The following LRCH3 variants were observed in gnomAD, a reference collection of about 807,000 sequenced individuals.
LRCH3 encodes the protein DISP complex protein LRCH3.
LRCH3 carries 68 observed loss-of-function variants against 104.5 expected under a neutral mutation model. The observed-to-expected ratio is 0.65, with a 90% CI of 0.54 to 0.80. The LOEUF (loss-of-function observed/expected upper bound fraction) is 0.80. Among genes scored for constraint, LRCH3 ranks in the 30% least tolerant of loss-of-function variants. The pLI, the probability that LRCH3 is intolerant of heterozygous loss-of-function variation, is 0.00. For missense variants in LRCH3, 951 were observed against 953.9 expected (o/e 1.00, Z 0.04); for synonymous variants, 344 against 361.3 (o/e 0.95, Z 0.54).
At chr3:197,850,351 C>CTTT in intron 12 of LRCH3, 22 of 618,628 alleles carry the variant, frequency 3.6e-5, no homozygotes, top group East Asian at 9.7e-5. Context: ...ACCATTTTTT[C>CTTT]TTTTTTTTTT....
chr3:197,806,759 C>T (rs1732529346), intron 1 of LRCH3, among the ~76,000 whole-genome samples: 1 of 150,802 alleles, frequency 6.6e-6, no homozygotes. Flanking sequence ...ACCATGTTGT[C>T]CAGGCTGCCC....
chr3:197,885,647 A>G lies in LRCH3; in HGVS notation c.*1981A>G, dbSNP rs1020775070. ...ACGCGCCCCATCTCGCTCCACCACA[A>G]GCGCCTTTATATACTCAATGATGGG... On this transcript the variant is annotated 3_prime_UTR_variant, in exon 21 of 21. Coordinates refer to ENST00000425562, the MANE Select transcript of LRCH3 (RefSeq NM_001365715.1). 3 of 152,218 alleles carry G rather than the reference A, an allele frequency of 2.0e-5. No individual in the cohort carries two copies. Among genetic ancestry groups the G allele is most frequent in the African/African-American group, 7.2e-5 (3 of 41,446 alleles). The allele number at this position is 152,218 out of a possible 1,614,324, so 9.4% of individuals were successfully genotyped here.
chr3:197,883,658 G>A lies in LRCH3; in HGVS notation c.2326G>A (p.Ala776Thr). 1 of 1,536,010 alleles carries A rather than the reference G, an allele frequency of 6.5e-7. No homozygotes were observed. The highest frequency in any genetic ancestry group is 8.7e-7 in the Non-Finnish European group (1 of 1,146,888). The change falls in exon 21 of 21, where the codon GCT (alanine) becomes ACT (threonine). Residue 776 changes from alanine (A) to threonine (T), a missense_variant. Coordinates refer to ENST00000425562, the MANE Select transcript of LRCH3 (RefSeq NM_001365715.1). This position sits in a 1 kb window ranked among gnomAD's most constrained non-coding sequence, Gnocchi z 4.2. ...CAAGCAACAGCAGCACCAGTTATCT[G>A]CTGTTTGAGGATCCCCAGGACGGTG... ...PPKQQQHQLS[A>T]V
rs191416332 is a variant in LRCH3 at position 197,817,943 on chromosome 3, C to T, written c.534+641C>T. Among the ~76,000 whole-genome samples the T allele has an allele frequency of 1.1e-4, 17 of 152,250 alleles. No homozygotes were observed. In the East Asian group the frequency reaches 3.3e-3, roughly 29 times the overall value. ...TCACGCCATTCTCCTGCCTCAGCCT[C>T]CTGAGTAGCTGGGACCACAGGCGCC... On this transcript the variant is annotated intron_variant, in intron 3 of 20. Transcript: ENST00000425562.
intron 19 of LRCH3, among the ~76,000 whole-genome samples, chr3:197,873,220 A>C (rs993161990): frequency 6.6e-6 from 1 of 152,176 alleles, no homozygotes; most frequent in Non-Finnish European, 1.5e-5. Context: ...TACAACGAAC[A>C]CTATTAAAGT....
At chr3:197,808,577 T>C (rs1732759638) in intron 1 of LRCH3, among the ~76,000 whole-genome samples, 1 of 152,204 alleles carries the variant, frequency 6.6e-6, no homozygotes, top group Admixed American at 6.5e-5. Context: ...TTTTGCTGGA[T>C]ATATATACAA....
intron 1 of LRCH3, among the ~76,000 whole-genome samples, chr3:197,794,467 G>A (rs1184376210): frequency 6.6e-6 from 1 of 152,130 alleles, no homozygotes; most frequent in Non-Finnish European, 1.5e-5. Context: ...ACCAACTTAT[G>A]GTAGTTATTA....
At chr3:197,795,741 G>C (rs1163640092) in intron 1 of LRCH3, among the ~76,000 whole-genome samples, 2 of 129,078 alleles carry the variant, frequency 1.5e-5, no homozygotes, top group African/African-American at 6.1e-5. Context: ...CACCCAGGCT[G>C]GAGTGCAGTG....
rs1714089573 is a variant in LRCH3, at chr3:197,885,043, A to AT, written c.*1378dup. 3.9e-5 allele frequency: 6 copies of AT among 152,356 alleles called. No individual in the cohort carries two copies. The South Asian group carries it at 1.2e-3, about 32-fold the overall frequency. 9.4% of individuals were successfully genotyped at this position (152,356 alleles called of 1,614,324 possible). ...GTCATCCTGTTATCTGGACATTATA[A>AT]TAAACAACAAGCCCTCTATACACAG... On this transcript the variant is annotated 3_prime_UTR_variant, in exon 21 of 21. Coordinates refer to ENST00000425562, the MANE Select transcript of LRCH3 (RefSeq NM_001365715.1).
intron 12 of LRCH3, among the ~76,000 whole-genome samples, chr3:197,848,842 T>C (rs1739149218): frequency 6.6e-6 from 1 of 152,236 alleles, no homozygotes; most frequent in Non-Finnish European, 1.5e-5. Flanking sequence ...ATGTCTGTTT[T>C]ACTGTTTTAC....
At chr3:197,882,014 G>A (rs1355050869) in intron 20 of LRCH3, 12 of 985,332 alleles carry the variant, frequency 1.2e-5, no homozygotes, top group Non-Finnish European at 1.4e-5. Context: ...AGACTTTGGG[G>A]AATTGGGTTG....
chr3:197,876,345 T>G (rs537545909), intron 20 of LRCH3: 15 of 152,394 alleles, frequency 9.8e-5, no homozygotes, highest in African/African-American at 3.4e-4. Context: ...CTCTGGTTCT[T>G]TGGAGTCTGG....
rs1418943643 is a variant in LRCH3 at position 197,830,751 on chromosome 3, CAG to C, written c.888-16_888-15del. On this transcript the variant is annotated splice_polypyrimidine_tract_variant and intron_variant, in intron 6 of 20. Coordinates refer to ENST00000425562, the MANE Select transcript of LRCH3 (RefSeq NM_001365715.1). ...GTTAAAATAACAAACTTTGCAGTAACAGAGTCTCTTTTCGGCAGCCATGAAGA... is the reference window on the plus strand; with the variant it reads ...GTTAAAATAACAAACTTTGCAGTAACAGTCTCTTTTCGGCAGCCATGAAGA... 4 of 1,591,150 alleles carry C rather than the reference CAG, an allele frequency of 2.5e-6. No individual in the cohort carries two copies. Among genetic ancestry groups the C allele is most frequent in the Non-Finnish European group, 3.4e-6 (4 of 1,162,160 alleles).
intron 1 of LRCH3, among the ~76,000 whole-genome samples, chr3:197,804,595 G>C (rs1580558230): frequency 6.6e-6 from 1 of 152,140 alleles, no homozygotes; most frequent in South Asian, 2.1e-4. Context: ...TGTTATACCA[G>C]AAACAGGGCT....
At chr3:197,792,592 T>TATATATATAA (rs1730695270) in intron 1 of LRCH3, among the ~76,000 whole-genome samples, 1 of 73,042 alleles carries the variant, frequency 1.4e-5, no homozygotes, top group African/African-American at 4.3e-5. Flanking sequence ...TATATATATA[T>TATATATATAA]ATATATATAT....
intron 19 of LRCH3, among the ~76,000 whole-genome samples, chr3:197,872,069 G>T (rs1360808855): frequency 6.6e-6 from 1 of 152,166 alleles, no homozygotes; most frequent in Non-Finnish European, 1.5e-5. Context: ...TTAGAATGAC[G>T]AATCTAGGCT....
intron 1 of LRCH3, among the ~76,000 whole-genome samples, chr3:197,813,351 C>A (rs1335420370): frequency 3.9e-5 from 6 of 152,026 alleles, no homozygotes; most frequent in South Asian, 2.1e-4. Context: ...TTAATTAAAT[C>A]AAAATGGGTA....
chr3:197,831,765 A>G (rs569317109), intron 7 of LRCH3, among the ~76,000 whole-genome samples: 4 of 151,742 alleles, frequency 2.6e-5, no homozygotes, highest in Non-Finnish European at 5.9e-5. Flanking sequence ...CTACAGGCTT[A>G]TGCCACCATG....
In LRCH3 at chr3:197,815,026, A is replaced by G. The variant is rs867064961; in HGVS notation, c.381A>G (p.Leu127=). Residue 127 remains leucine (L), a synonymous_variant, in exon 2 of 21, where the codon CTA becomes CTG. Transcript: ENST00000425562. ...IRYIPEAILN[L]QALTFLNISR... ...ATATTCCAGAGGCAATTTTAAACCT[A>G]CAAGCTCTAACATTCTTAAATATTA... is the stretch of plus-strand genomic sequence containing the variant. 8 of 1,525,730 alleles carry G rather than the reference A, an allele frequency of 5.2e-6. No homozygotes were observed. The highest frequency in any genetic ancestry group is 1.8e-4 in the Middle Eastern group (1 of 5,700). The allele number at this position is 1,525,730 out of a possible 1,614,324, so 94.5% of individuals were successfully genotyped here. A position where few individuals can be genotyped will look rare whatever the true frequency, so the allele number is the denominator to read the frequency against.
Sources: allele counts gnomAD v4.1 joint callset (sites outside exome capture counted in the v4.1 genomes callset), GRCh38; gene constraint gnomAD v4.1.1; non-coding constraint Gnocchi (gnomAD v3.1); transcripts MANE v1.5; gene names NCBI Gene and HGNC (gene_info 2026-07-23, HGNC 2026-07-21).